Variants in COL23A1 observed in about 807,000 individuals in gnomAD.
COL23A1 encodes the protein collagen type XXIII alpha 1 chain.
In COL23A1, 97 loss-of-function variants were observed where a neutral mutation model predicts 99.3. The observed-to-expected ratio is 0.98, with a 90% CI of 0.83 to 1.16. COL23A1 has a LOEUF of 1.16. COL23A1 is among the 50% of genes most tolerant of loss of function. The pLI is 0.00. For synonymous variants in COL23A1, 320 were observed against 308.2 expected (o/e 1.04, Z -0.40); for missense variants, 762 against 757.4 (o/e 1.01, Z -0.07).
chr5:178,299,539 T>C (rs891255709), intron 3 of COL23A1, among the ~76,000 whole-genome samples: 2 of 152,156 alleles, frequency 1.3e-5, no homozygotes, highest in Non-Finnish European at 2.9e-5. Flanking sequence ...CTCCAGTGTT[T>C]TTCTTGGTCA....
At chr5:178,413,552 T>G (rs1561949764) in intron 2 of COL23A1, among the ~76,000 whole-genome samples, 1 of 152,248 alleles carries the variant, frequency 6.6e-6, no homozygotes, top group Non-Finnish European at 1.5e-5. Flanking sequence ...CAGGAGTTCA[T>G]AAGACATGGT....
At chr5:178,466,581 C>A (rs796306092) in intron 2 of COL23A1, among the ~76,000 whole-genome samples, 15 of 152,300 alleles carry the variant, frequency 9.8e-5, no homozygotes, top group African/African-American at 3.1e-4. Flanking sequence ...TCAGAGGCCC[C>A]AGGTTCTGGG....
intron 2 of COL23A1, among the ~76,000 whole-genome samples, chr5:178,495,754 G>A (rs1758165968): frequency 6.6e-6 from 1 of 152,128 alleles, no homozygotes; most frequent in Non-Finnish European, 1.5e-5. Flanking sequence ...GAGAGGCTCA[G>A]GAGACAGGGT....
intron 2 of COL23A1, among the ~76,000 whole-genome samples, chr5:178,386,547 C>T (rs1763684491): frequency 6.6e-6 from 1 of 152,084 alleles, no homozygotes; most frequent in African/African-American, 2.4e-5. Flanking sequence ...TTTGCTTCAG[C>T]CTGTTGAGAT....
chr5:178,570,682 G>T (rs1193896282), intron 1 of COL23A1, among the ~76,000 whole-genome samples: 1 of 152,204 alleles, frequency 6.6e-6, no homozygotes, highest in Non-Finnish European at 1.5e-5. Context: ...AGGCAGGCAA[G>T]GACAGTGATC....
chr5:178,406,487 T>C (rs1387204394), intron 2 of COL23A1, among the ~76,000 whole-genome samples: 1 of 149,924 alleles, frequency 6.7e-6, no homozygotes, highest in African/African-American at 2.4e-5. Context: ...TGGAGTGAAA[T>C]GGCGACATCT....
chr5:178,560,654 G>C (rs761222527), intron 2 of COL23A1, 28 bp downstream of exon 2: 4 of 1,602,934 alleles, frequency 2.5e-6, no homozygotes, highest in Non-Finnish European at 3.4e-6. Context: ...GAACGCAGGA[G>C]CCAGAAGGGA....
At chr5:178,293,924 G>A (rs1757594105) in intron 3 of COL23A1, among the ~76,000 whole-genome samples, 1 of 152,098 alleles carries the variant, frequency 6.6e-6, no homozygotes, top group Non-Finnish European at 1.5e-5. Context: ...GGAGTCCAGA[G>A]GCCAGGCTGT....
At chr5:178,585,938 T>G (rs931039736) in intron 1 of COL23A1, among the ~76,000 whole-genome samples, 1 of 152,172 alleles carries the variant, frequency 6.6e-6, no homozygotes, top group Admixed American at 6.5e-5. Flanking sequence ...TGGCTGTAAG[T>G]CTGCCGAAAG....
chr5:178,248,076 C>G, intron 20 of COL23A1, 116 bp downstream of exon 20: 1 of 783,588 alleles, frequency 1.3e-6, no homozygotes, highest in Non-Finnish European at 2.2e-6. Flanking sequence ...TACTCTCCCT[C>G]CCCTACTGCC....
chr5:178,589,034 C>T lies in COL23A1; in HGVS notation c.294+870G>A, dbSNP rs539194761. Among the ~76,000 whole-genome samples the T allele has an allele frequency of 6.6e-6, 1 of 152,268 alleles. No individual in the cohort carries two copies. The highest frequency in any genetic ancestry group is 1.9e-4 in the East Asian group (1 of 5,158). ...CCAGTTTCGTGGGGAGGGGAACTGCCGCACATGCCGCACACAAAAGGCGGA... is the reference window on the plus strand; with the variant it reads ...CCAGTTTCGTGGGGAGGGGAACTGCTGCACATGCCGCACACAAAAGGCGGA... On this transcript the variant is annotated intron_variant, in intron 1 of 28. Coordinates refer to ENST00000390654, the MANE Select transcript of COL23A1 (RefSeq NM_173465.4). The surrounding 1 kb of genome is among the most constrained non-coding windows in gnomAD (Gnocchi z 5.4).
intron 2 of COL23A1, among the ~76,000 whole-genome samples, chr5:178,491,236 C>T (rs1333219326): frequency 6.6e-6 from 1 of 152,086 alleles, no homozygotes; most frequent in Non-Finnish European, 1.5e-5. Context: ...GAACTCAAGA[C>T]CTGCCCCTCA....
intron 1 of COL23A1, among the ~76,000 whole-genome samples, chr5:178,573,398 C>G (rs1015206005): frequency 6.6e-6 from 1 of 152,220 alleles, no homozygotes; most frequent in Non-Finnish European, 1.5e-5. Context: ...TCTGGCCCGG[C>G]CACCGCACTT....
At chr5:178,271,951 A>G (rs924018384) in intron 5 of COL23A1, among the ~76,000 whole-genome samples, 5 of 152,176 alleles carry the variant, frequency 3.3e-5, no homozygotes, top group African/African-American at 1.2e-4. Flanking sequence ...GCCTTCACGC[A>G]GCCTTCGCTC....
intron 2 of COL23A1, among the ~76,000 whole-genome samples, chr5:178,460,056 TATAGAA>T (rs1223620766): frequency 6.6e-6 from 1 of 152,130 alleles, no homozygotes. Context: ...AGTTTATAAT[TATAGAA>T]ATAGATTTTT....
At chr5:178,335,526 C>A (rs1760268956) in intron 2 of COL23A1, among the ~76,000 whole-genome samples, 1 of 152,186 alleles carries the variant, frequency 6.6e-6, no homozygotes, top group African/African-American at 2.4e-5. Context: ...GGGCATGTAC[C>A]AGATATTCCT....
chr5:178,582,166 G>A (rs1201600710), intron 1 of COL23A1, among the ~76,000 whole-genome samples: 3 of 127,502 alleles, frequency 2.4e-5, no homozygotes, highest in Non-Finnish European at 3.1e-5. Context: ...ATGATCACAC[G>A]ACTGCACTCC....
chr5:178,349,147 G>T (rs751181), intron 2 of COL23A1, among the ~76,000 whole-genome samples: 92,774 of 152,098 alleles, frequency 0.61, 28,892 homozygotes, highest in East Asian at 0.85. Flanking sequence ...GAAAAACATT[G>T]TTACCAGCCC....
intron 2 of COL23A1, among the ~76,000 whole-genome samples, chr5:178,433,259 G>A (rs992401846): frequency 4.6e-5 from 7 of 151,788 alleles, no homozygotes; most frequent in African/African-American, 4.8e-5. Context: ...CCTCAGGCTC[G>A]GTGATTTGCT....
Sources: gnomAD v4.1 joint callset for allele counts (sites outside exome capture counted in the v4.1 genomes callset) on GRCh38, gnomAD v4.1.1 for gene constraint, Gnocchi (gnomAD v3.1) non-coding constraint, MANE v1.5 for transcripts, NCBI Gene and HGNC (gene_info 2026-07-23, HGNC 2026-07-21) for gene names.